SNAP25: variants seen among roughly 807,000 people sequenced by gnomAD.
SNAP25 encodes the protein synaptosomal-associated protein 25.
In SNAP25, 3 loss-of-function variants were observed where a neutral mutation model predicts 28.7. The observed-to-expected ratio is 0.10, with a 90% CI of 0.05 to 0.27. The LOEUF is 0.27. Ranked by LOEUF, SNAP25 falls within the 10% of genes least tolerant of loss-of-function variation. SNAP25 has a pLI of 1.00. For missense variants in SNAP25, 117 were observed against 278.7 expected (o/e 0.42, Z 4.13); for synonymous variants, 61 against 88.1 (o/e 0.69, Z 1.72).
chr20:10,304,676 CT>C (rs577803323), intron 7 of SNAP25, among the ~76,000 whole-genome samples: 6 of 151,940 alleles, frequency 3.9e-5, no homozygotes, highest in African/African-American at 1.2e-4. Flanking sequence ...AATGTCGTGA[CT>C]TTTTTTTGCT....
intron 3 of SNAP25, 130 bp from the exon 4 acceptor site, chr20:10,284,594 T>C (rs531958100): frequency 1.4e-6 from 1 of 736,946 alleles, no homozygotes; most frequent in South Asian, 1.5e-5. Context: ...CTTGTCATAC[T>C]TTCTCCCTTT....
rs767952808 is a variant in SNAP25 at position 10,293,321 on chromosome 20, C to G, written c.281+43C>G. ...GCCTGAAGCTTTGATTTCCCAAGGC[C>G]CATCTCCAAGCCTTGACAAGCTCAT... On this transcript the variant is annotated intron_variant, in intron 5 of 7. Transcript: ENST00000254976. This position sits in a 1 kb window ranked among gnomAD's most constrained non-coding sequence, Gnocchi z 5.6. 4 of 1,480,216 alleles carry G rather than the reference C, an allele frequency of 2.7e-6. No individual in the cohort carries two copies. The highest frequency in any genetic ancestry group is 3.8e-6 in the Non-Finnish European group (4 of 1,058,668). 91.7% of individuals were successfully genotyped at this position (1,480,216 alleles called of 1,614,324 possible).
chr20:10,221,601 G>C (rs2062635747), intron 1 of SNAP25, among the ~76,000 whole-genome samples: 2 of 152,154 alleles, frequency 1.3e-5, no homozygotes, highest in Admixed American at 1.3e-4. Context: ...TCAAATTACA[G>C]AACAATTTAC....
intron 1 of SNAP25, among the ~76,000 whole-genome samples, chr20:10,228,252 G>A (rs1407915324): frequency 2.0e-5 from 3 of 152,138 alleles, no homozygotes; most frequent in Non-Finnish European, 4.4e-5. Context: ...TGTCTACTGT[G>A]TGCTGCACTG....
intron 3 of SNAP25, chr20:10,278,064 A>G (rs1168502310): frequency 5.4e-6 from 1 of 185,694 alleles, no homozygotes; most frequent in African/African-American, 2.3e-5. Flanking sequence ...AATTATCTAC[A>G]TAAAACTTTA....
At chr20:10,288,642 AT>A (rs1398834601) in intron 4 of SNAP25, among the ~76,000 whole-genome samples, 3 of 152,198 alleles carry the variant, frequency 2.0e-5, no homozygotes, top group African/African-American at 7.2e-5. Flanking sequence ...AATTATAGCC[AT>A]ACCACAGTAA....
At chr20:10,247,632 A>G (rs1256212752) in intron 1 of SNAP25, among the ~76,000 whole-genome samples, 1 of 152,142 alleles carries the variant, frequency 6.6e-6, no homozygotes, top group African/African-American at 2.4e-5. Flanking sequence ...AGCATGCTGC[A>G]TTTCTGCTCT....
chr20:10,298,778 A>G (rs1265535403), intron 6 of SNAP25, among the ~76,000 whole-genome samples: 1 of 152,196 alleles, frequency 6.6e-6, no homozygotes, highest in Non-Finnish European at 1.5e-5. Context: ...GTGAAAAGAG[A>G]TGAGCACAGA....
At chr20:10,294,280 A>C (rs1020309710) in intron 5 of SNAP25, among the ~76,000 whole-genome samples, 3 of 152,166 alleles carry the variant, frequency 2.0e-5, no homozygotes, top group Admixed American at 1.3e-4. Flanking sequence ...GACCATTCAC[A>C]TCCTTTAAAC....
In SNAP25 at chr20:10,280,367, T is replaced by C. The variant is rs78858103; in HGVS notation, c.114+2641T>C. Among the ~76,000 whole-genome samples, 7 of 152,324 alleles carry C rather than the reference T, an allele frequency of 4.6e-5. No individual in the cohort carries two copies. In the East Asian group the frequency reaches 1.4e-3, roughly 29 times the overall value. On this transcript the variant is annotated intron_variant, in intron 3 of 7. Transcript: ENST00000254976. Reference sequence around the variant, plus strand: ...ATAGGTAAAAAGGTTAGAAATCATGTAGCACTTGGTTCTCAGCCTGGAGTT... The same window carrying C: ...ATAGGTAAAAAGGTTAGAAATCATGCAGCACTTGGTTCTCAGCCTGGAGTT...
chr20:10,259,665 A>G (rs1021444909), intron 1 of SNAP25, among the ~76,000 whole-genome samples: 5 of 152,194 alleles, frequency 3.3e-5, no homozygotes, highest in African/African-American at 1.2e-4. Flanking sequence ...CAGCTCCCCA[A>G]GTGTCTGGGA....
intron 1 of SNAP25, among the ~76,000 whole-genome samples, chr20:10,241,661 C>A (rs569418549): frequency 6.6e-6 from 1 of 152,136 alleles, no homozygotes; most frequent in South Asian, 2.1e-4. Flanking sequence ...ACAAGAACGG[C>A]CAATCATGAG....
chr20:10,297,399 G>T (rs1354388926), intron 6 of SNAP25, among the ~76,000 whole-genome samples: 1 of 152,114 alleles, frequency 6.6e-6, no homozygotes, highest in Non-Finnish European at 1.5e-5. Flanking sequence ...TGTATTTGCC[G>T]GTTTCATTAG....
intron 4 of SNAP25, among the ~76,000 whole-genome samples, chr20:10,287,158 G>A (rs2063895930): frequency 6.6e-6 from 1 of 152,032 alleles, no homozygotes; most frequent in African/African-American, 2.4e-5. Context: ...ATTGACAAAT[G>A]GGATCTCATT....
chr20:10,275,687 A>T (rs1403920773), intron 2 of SNAP25, 124 bp downstream of exon 2: 1 of 719,990 alleles, frequency 1.4e-6, no homozygotes, highest in Non-Finnish European at 2.1e-6. Flanking sequence ...AAGTAATATG[A>T]CTTTGATTTT....
chr20:10,297,141 T>C, intron 6 of SNAP25, 91 bp downstream of exon 6: 1 of 1,397,990 alleles, frequency 7.2e-7, no homozygotes, highest in Non-Finnish European at 9.4e-7. Context: ...AACAACCATT[T>C]TATTGCTCAT....
chr20:10,283,232 C>T (rs988799319), intron 3 of SNAP25, among the ~76,000 whole-genome samples: 3 of 152,164 alleles, frequency 2.0e-5, no homozygotes, highest in African/African-American at 7.2e-5. Context: ...TAGCACATTC[C>T]ACATATTAAT....
chr20:10,276,959 C>T (rs560161131), intron 2 of SNAP25, among the ~76,000 whole-genome samples: 1 of 152,304 alleles, frequency 6.6e-6, no homozygotes, highest in South Asian at 2.1e-4. Flanking sequence ...CCTTCAGGTT[C>T]CTGCAGAATC....
At chr20:10,251,218 T>C (rs1048971684) in intron 1 of SNAP25, among the ~76,000 whole-genome samples, 18 of 152,296 alleles carry the variant, frequency 1.2e-4, no homozygotes, top group African/African-American at 4.3e-4. Context: ...CAAACACGAA[T>C]GTACACAGTA....
Sources: allele counts gnomAD v4.1 joint callset (sites outside exome capture counted in the v4.1 genomes callset), GRCh38; gene constraint gnomAD v4.1.1; non-coding constraint Gnocchi (gnomAD v3.1); transcripts MANE v1.5; gene names NCBI Gene and HGNC (gene_info 2026-07-23, HGNC 2026-07-21).